UGT2B11: variants seen among roughly 807,000 people sequenced by gnomAD.
UGT2B11 encodes UDP-glucuronosyltransferase 2B11.
Under a neutral mutation model 51.7 loss-of-function variants are expected in UGT2B11, and 49 were observed. That is an observed-to-expected ratio of 0.95 (90% CI 0.75 to 1.20). The LOEUF (loss-of-function observed/expected upper bound fraction) is 1.20. Among genes scored for constraint, UGT2B11 ranks in the 50% most tolerant of loss-of-function variants. The pLI, the probability that UGT2B11 is intolerant of heterozygous loss-of-function variation, is 0.00. For synonymous variants in UGT2B11, 273 were observed against 209.0 expected (o/e 1.31, Z -2.64); for missense variants, 810 against 622.1 (o/e 1.30, Z -3.21).
intron 3 of UGT2B11, 57 bp from the exon 4 acceptor site, chr4:69,205,624 G>T: frequency 2.6e-6 from 4 of 1,555,612 alleles, no homozygotes; most frequent in Non-Finnish European, 3.5e-6. Flanking sequence ...ATTATAGAAT[G>T]TTAGAACTGT....
At position 69,214,426 on chromosome 4, in the gene UGT2B11, G is replaced by A. The variant is rs1435622268; in HGVS notation, c.297C>T (p.Asp99=). 2.5e-6 allele frequency: 4 copies of A among 1,613,024 alleles called. No individual in the cohort carries two copies. In the South Asian group the frequency reaches 3.3e-5, roughly 13 times the overall value. The change falls in exon 1 of 6, where the codon GAC becomes GAT. Residue 99 remains aspartate, a synonymous_variant. Coordinates refer to ENST00000446444, the MANE Select transcript of UGT2B11 (RefSeq NM_001073.3). ...IIMQQVKRWS[D]IRKDSFWLYF... ...ATAACCAAAAGCTATCTTTTCGAAT[G>A]TCTGACCATCTCTTAACCTGTTGCA...
upstream of UGT2B11, chr4:69,215,024 A>C: frequency 3.4e-6 from 1 of 292,460 alleles, no homozygotes; most frequent in Non-Finnish European, 6.3e-6. Flanking sequence ...GGCAAGTGAG[A>C]GAGTCCTGCA....
rs143912578 is a variant in UGT2B11 at position 69,214,043 on chromosome 4, G to C, written c.680C>G (p.Ser227Cys). 2.8e-3 allele frequency: 4,528 copies of C among 1,601,366 alleles called. 24 individuals carry two copies. Among genetic ancestry groups the C allele is most frequent in the African/African-American group, 0.02 (1,490 of 74,432 alleles). ...AAACTGATCCCACTTCTTCATATCA[G>C]ACATTTGGAACCAAAAGTCAAAATA... ...VLYFDFWFQMSDMKKWDQFYS... is the reference protein window; with the variant it reads ...VLYFDFWFQMCDMKKWDQFYS... The change falls in exon 1 of 6, where the codon TCT becomes TGT. Residue 227 changes from serine to cysteine, a missense_variant. By Grantham distance (112) the Ser-to-Cys change is moderately radical. Transcript: ENST00000446444.
chr4:69,211,338 T>C (rs1722055750), intron 2 of UGT2B11, among the ~76,000 whole-genome samples: 1 of 151,540 alleles, frequency 6.6e-6, no homozygotes, highest in Admixed American at 6.6e-5. Context: ...TTTTAGAATT[T>C]CAACTAGCTC....
At chr4:69,216,180 G>C (rs1722268352), upstream of UGT2B11, 1 of 152,006 alleles carries the variant, frequency 6.6e-6, no homozygotes, top group Non-Finnish European at 1.5e-5. Context: ...TCACTACTGA[G>C]AACTGACATC....
intron 5 of UGT2B11, among the ~76,000 whole-genome samples, chr4:69,202,233 G>T (rs543666466): frequency 3.3e-5 from 5 of 151,606 alleles, no homozygotes; most frequent in Non-Finnish European, 5.9e-5. Context: ...ATTCTGTCAC[G>T]AACACTCTGC....
At chr4:69,206,810 C>G (rs1442478492) in intron 3 of UGT2B11, among the ~76,000 whole-genome samples, 1 of 151,442 alleles carries the variant, frequency 6.6e-6, no homozygotes, top group South Asian at 2.1e-4. Flanking sequence ...GTAATGTATT[C>G]GTTTATTTTT....
At chr4:69,217,327 T>A (rs969206742), upstream of UGT2B11, among the ~76,000 whole-genome samples, 4 of 152,158 alleles carry the variant, frequency 2.6e-5, no homozygotes, top group African/African-American at 9.7e-5. Context: ...TTTGTTTTTA[T>A]TCTATTAATA....
At chr4:69,210,087 A>G (rs1309670256) in intron 2 of UGT2B11, among the ~76,000 whole-genome samples, 1 of 151,564 alleles carries the variant, frequency 6.6e-6, no homozygotes, top group Non-Finnish European at 1.5e-5. Flanking sequence ...TATACATTTT[A>G]TCCTGCGAAA....
upstream of UGT2B11, chr4:69,214,814 C>T (rs1577968080): frequency 8.6e-6 from 13 of 1,519,372 alleles, no homozygotes; most frequent in East Asian, 2.3e-5. Flanking sequence ...TATAACTCCT[C>T]CAATCCAAAG....
chr4:69,212,349 C>T (rs1327188040), intron 2 of UGT2B11, among the ~76,000 whole-genome samples: 2 of 151,548 alleles, frequency 1.3e-5, no homozygotes, highest in African/African-American at 4.8e-5. Flanking sequence ...ATCAACCCTA[C>T]ATTCAAAGTC....
chr4:69,210,704 G>A (rs1722029096), intron 2 of UGT2B11, among the ~76,000 whole-genome samples: 2 of 151,430 alleles, frequency 1.3e-5, no homozygotes, highest in African/African-American at 4.8e-5. Context: ...TTTTTCATTA[G>A]TCTTACTTCA....
rs1721606864 is a variant in UGT2B11 at position 69,200,440 on chromosome 4, C to T, written c.1590G>A (p.Ter530=). 1 of 1,594,510 alleles carries T rather than the reference C, an allele frequency of 6.3e-7. No individual in the cohort carries two copies. Among genetic ancestry groups the T allele is most frequent in the Non-Finnish European group, 8.6e-7 (1 of 1,168,344 alleles). Residue 530 remains the stop codon, a stop_retained_variant, in exon 6 of 6, where the codon TAG becomes TAA. Transcript: ENST00000446444. ...ARKGKKGKRD[*] ...TTCCAGCTTCAAATGTCAGACATAA[C>T]TAATCTCTTTTTCCCTTCTTCCCTT...
intron 3 of UGT2B11, 141 bp from the exon 4 acceptor site, chr4:69,205,708 A>C: frequency 1.0e-6 from 1 of 961,370 alleles, no homozygotes; most frequent in Non-Finnish European, 1.5e-6. Context: ...AAGAATACTC[A>C]CATTTTATTT....
chr4:69,222,157 C>A, the UGT2B11 span, among the ~76,000 whole-genome samples: 3 of 152,280 alleles, frequency 2.0e-5, no homozygotes, highest in East Asian at 5.8e-4. Context: ...TGTTATAGAA[C>A]ACTGAGGTTG....
rs1721940000 is a variant in UGT2B11 at position 69,208,425 on chromosome 4, C to G, written c.928G>C (p.Gly310Arg). 3 of 1,610,148 alleles carry G rather than the reference C, an allele frequency of 1.9e-6. No homozygotes were observed. Among genetic ancestry groups the G allele is most frequent in the Non-Finnish European group, 2.5e-6 (3 of 1,178,118 alleles). ...GCTGTCATGTTACTTATCACTGACCCCAGAGAAAACACCACAACACCATTT... is the reference window on the plus strand; with the variant it reads ...GCTGTCATGTTACTTATCACTGACCGCAGAGAAAACACCACAACACCATTT... ...GENGVVVFSL[G>R]SVISNMTAER... Residue 310 changes from glycine to arginine, a missense_variant, in exon 3 of 6, where the codon GGG becomes CGG. Physicochemically the swap from Gly to Arg is moderately radical, Grantham distance 125. Transcript: ENST00000446444.
rs373553462 is a variant in UGT2B11, at chr4:69,206,245, A to C, written c.1003-678T>G. Among the ~76,000 whole-genome samples the C allele has an allele frequency of 4.0e-5, 6 of 151,732 alleles. No homozygotes were observed. The East Asian group carries it at 5.9e-4, about 15-fold the overall frequency. ...AACCTAAATGACCATCAATTATGGA[A>C]TGAATAAAGAAAATATGGCATATAT... On this transcript the variant is annotated intron_variant, in intron 3 of 5. Transcript: ENST00000446444.
intron 3 of UGT2B11, among the ~76,000 whole-genome samples, chr4:69,206,994 C>A (rs1721882574): frequency 6.6e-6 from 1 of 151,596 alleles, no homozygotes; most frequent in South Asian, 2.1e-4. Context: ...AATTATCAAG[C>A]ACTATTTCCC....
chr4:69,200,576 C>G lies in UGT2B11; in HGVS notation c.1454G>C (p.Trp485Ser), dbSNP rs1181226046. 2 of 1,612,406 alleles carry G rather than the reference C, an allele frequency of 1.2e-6. No homozygotes were observed. Among genetic ancestry groups the G allele is most frequent in the Non-Finnish European group, 8.5e-7 (1 of 1,179,008 alleles). The change falls in exon 6 of 6, where the codon TGG becomes TCG. Residue 485 changes from tryptophan (W) to serine (S), a missense_variant. Transcript: ENST00000446444. The part of the protein sequence containing the change: ...HLRVAAHDLT[W>S]FQYHSLDVIG... ...CACATCCAAAGAGTGGTACTGGAAC[C>G]AGGTGAGGTCATGGGCTGCAACTCG...
Sources: allele counts gnomAD v4.1 joint callset (sites outside exome capture counted in the v4.1 genomes callset), GRCh38; gene constraint gnomAD v4.1.1; transcripts MANE v1.5; gene names NCBI Gene and HGNC (gene_info 2026-07-23, HGNC 2026-07-21).